Variants in ST7 observed in about 807,000 individuals in gnomAD.
ST7 encodes the protein suppression of tumorigenicity 7, also known as suppressor of tumorigenicity 7 protein.
A neutral mutation model predicts 78.7 loss-of-function variants in ST7; 28 were observed. The ratio of observed to expected loss-of-function variants is 0.36; its 90% CI spans 0.26 to 0.49. The LOEUF (loss-of-function observed/expected upper bound fraction) is 0.49, where lower values mean the gene tolerates loss of function less well. Among genes scored for constraint, ST7 ranks in the 20% least tolerant of loss-of-function variants. The probability of loss-of-function intolerance (pLI) is 0.99; values close to 1 mark genes in which losing one functional copy is unlikely to be tolerated. For missense variants in ST7, 418 were observed against 696.0 expected, an observed-to-expected ratio of 0.60 and a Z score of 4.49; for synonymous variants, 247 against 249.6, an observed-to-expected ratio of 0.99 and a Z score of 0.10.
intron 1 of ST7, among the ~76,000 whole-genome samples, chr7:117,027,498 T>TAAAGTAAAGTAAAGTAAAGTAAAGTA (rs140342030): frequency 6.3e-3 from 98 of 15,624 alleles, no homozygotes; most frequent in South Asian, 0.026. Context: ...TAAAGTAAAG[T>TAAAGTAAAGTAAAGTAAAGTAAAGTA]AAGTAAAGTA....
chr7:117,046,966 A>G (rs144341519), intron 1 of ST7, among the ~76,000 whole-genome samples: 1 of 152,300 alleles, frequency 6.6e-6, no homozygotes, highest in African/African-American at 2.4e-5. Context: ...TATTGTACTT[A>G]CCTAACAGTG....
intron 1 of ST7, among the ~76,000 whole-genome samples, chr7:116,998,337 C>T (rs923617949): frequency 2.6e-5 from 4 of 152,202 alleles, no homozygotes; most frequent in South Asian, 4.1e-4. Context: ...CACACTGGCC[C>T]GCAAGTGCCG....
chr7:117,138,554 G>T, intron 9 of ST7, 22 bp downstream of exon 9: 1 of 1,549,498 alleles, frequency 6.5e-7, no homozygotes, highest in Admixed American at 1.8e-5. Context: ...TTTGTGTTTG[G>T]GATCAGTGGC....
chr7:117,033,415 A>G (rs1796705792), intron 1 of ST7, among the ~76,000 whole-genome samples: 1 of 150,872 alleles, frequency 6.6e-6, no homozygotes, highest in East Asian at 1.9e-4. Context: ...CTGTTTGTAT[A>G]CATGCTTTTT....
At chr7:117,183,978 A>C (rs1166883616) in intron 10 of ST7, 1 of 152,266 alleles carries the variant, frequency 6.6e-6, no homozygotes, top group Non-Finnish European at 1.5e-5. Context: ...CAATGTGCTG[A>C]GTGAAAGGAA....
chr7:117,200,889 A>T (rs546553416), intron 12 of ST7, among the ~76,000 whole-genome samples: 55 of 149,914 alleles, frequency 3.7e-4, no homozygotes, highest in African/African-American at 1.3e-3. Context: ...TTTCATGGGG[A>T]TTTCAAGAGG....
intron 12 of ST7, among the ~76,000 whole-genome samples, chr7:117,201,112 G>A (rs116327736): frequency 0.018 from 2,762 of 152,200 alleles, 79 homozygotes; most frequent in African/African-American, 0.063. Context: ...TGCTTGAAGC[G>A]TGGAAGCAGA....
chr7:117,060,633 ATAAT>A (rs1310072287), intron 1 of ST7, among the ~76,000 whole-genome samples: 2 of 152,260 alleles, frequency 1.3e-5, no homozygotes, highest in Non-Finnish European at 2.9e-5. Flanking sequence ...GGTTTTAAAA[ATAAT>A]TAAAATAATG....
rs890090316 is a variant in ST7, at chr7:117,004,189, A to T, written c.151+50498A>T. Among the ~76,000 whole-genome samples, 11 of 152,326 alleles carry T rather than the reference A, an allele frequency of 7.2e-5. No homozygotes were observed. The South Asian group carries it at 1.9e-3, about 26-fold the overall frequency. On this transcript the variant is annotated intron_variant, in intron 1 of 15. Transcript: ENST00000323984. ...AATGATTATCTTTTGGATATGTAAC[A>T]GTAAAATTGTTAAATTAGGGAGAAG...
At chr7:117,208,901 G>GT (rs1491367265) in intron 12 of ST7, among the ~76,000 whole-genome samples, 19 of 101,780 alleles carry the variant, frequency 1.9e-4, no homozygotes, top group East Asian at 1.8e-3. Context: ...GTGTATGTGT[G>GT]GGTGTGTGTG....
intron 13 of ST7, 55 bp downstream of exon 13, chr7:117,209,992 T>G (rs1240325436): frequency 6.3e-6 from 10 of 1,579,796 alleles, no homozygotes; most frequent in Non-Finnish European, 8.6e-6. Flanking sequence ...GGTGCTAAAA[T>G]GTTTTTGCAC....
chr7:117,226,000 G>A (rs931059996), intron 15 of ST7, among the ~76,000 whole-genome samples: 2 of 152,144 alleles, frequency 1.3e-5, no homozygotes, highest in Admixed American at 1.3e-4. Context: ...CAGAATGTGG[G>A]AAGGTCAGGA....
At chr7:117,148,511 ATAAT>A (rs1295817052) in intron 9 of ST7, among the ~76,000 whole-genome samples, 2 of 152,180 alleles carry the variant, frequency 1.3e-5, no homozygotes, top group African/African-American at 2.4e-5. Flanking sequence ...GAGTAACAGA[ATAAT>A]TACTGCTTTT....
chr7:116,976,229 A>C (rs926484244), intron 1 of ST7, among the ~76,000 whole-genome samples: 1 of 152,118 alleles, frequency 6.6e-6, no homozygotes, highest in Non-Finnish European at 1.5e-5. Context: ...AGGCCACTAC[A>C]CTCCAGCCTG....
intron 2 of ST7, among the ~76,000 whole-genome samples, chr7:117,115,614 A>G (rs919327760): frequency 6.6e-6 from 1 of 152,078 alleles, no homozygotes; most frequent in Non-Finnish European, 1.5e-5. Context: ...TTGGCCTCCC[A>G]AAGTGTTGCG....
At chr7:117,067,152 A>T (rs1459493509) in intron 1 of ST7, among the ~76,000 whole-genome samples, 3 of 151,788 alleles carry the variant, frequency 2.0e-5, no homozygotes, top group African/African-American at 7.3e-5. Flanking sequence ...CTTGGTGAAC[A>T]TTTGGGTTGT....
chr7:117,054,071 C>T (rs1563045600), intron 1 of ST7, among the ~76,000 whole-genome samples: 1 of 152,120 alleles, frequency 6.6e-6, no homozygotes, highest in African/African-American at 2.4e-5. Context: ...CTCCTGACCT[C>T]AGGTGATCTG....
intron 1 of ST7, among the ~76,000 whole-genome samples, chr7:116,998,840 A>C (rs769114512): frequency 9.9e-5 from 15 of 152,220 alleles, no homozygotes; most frequent in Non-Finnish European, 1.6e-4. Flanking sequence ...ATTGAACTTA[A>C]GTGGTCAGGA....
At chr7:116,957,282 A>C (rs560973747) in intron 1 of ST7, among the ~76,000 whole-genome samples, 2 of 152,222 alleles carry the variant, frequency 1.3e-5, no homozygotes, top group Non-Finnish European at 2.9e-5. Flanking sequence ...CACATCTTGT[A>C]ATGAAAATGA....
Sources: gnomAD v4.1 joint callset for allele counts (sites outside exome capture counted in the v4.1 genomes callset) on GRCh38, gnomAD v4.1.1 for gene constraint, MANE v1.5 for transcripts, NCBI Gene and HGNC (gene_info 2026-07-23, HGNC 2026-07-21) for gene names.